DPP7: variants seen among roughly 807,000 people sequenced by gnomAD.
The protein encoded by DPP7 is dipeptidyl peptidase 7.
DPP7 carries 74 observed loss-of-function variants against 58.8 expected under a neutral mutation model. That is an observed-to-expected ratio of 1.26 (90% CI 1.04 to 1.53). The LOEUF (loss-of-function observed/expected upper bound fraction) is 1.53. DPP7 is among the 40% of genes most tolerant of loss of function. The pLI is 0.00. For synonymous variants in DPP7, 350 were observed against 303.6 expected, an observed-to-expected ratio of 1.15 and a Z score of -1.59; for missense variants, 807 against 692.3, an observed-to-expected ratio of 1.17 and a Z score of -1.86.
chr9:137,112,545 C>T, intron 8 of DPP7, 200 bp downstream of exon 8: 1 of 715,784 alleles, frequency 1.4e-6, no homozygotes, highest in East Asian at 2.7e-5. Flanking sequence ...CTGGCTACAG[C>T]CAGTGCTGAG....
chr9:137,112,576 C>T, intron 8 of DPP7, 169 bp downstream of exon 8: 2 of 855,364 alleles, frequency 2.3e-6, no homozygotes, highest in South Asian at 1.7e-5. Context: ...GGGACGGCCC[C>T]TGCCTCCCCC....
chr9:137,113,052 C>T lies in DPP7; in HGVS notation c.771G>A (p.Gln257=), dbSNP rs879024952. The change falls in exon 7 of 13, where the codon CAG becomes CAA. Residue 257 remains glutamine (Q), a synonymous_variant. Transcript: ENST00000371579. ...QPLSDEKDLT[Q]LFMFARNAFT... is the part of the protein sequence containing the mutation. ...AGGCATTCCGGGCGAACATGAAGAG[C>T]TGGGTCAGGTCCTTCTCGTCTGACA... 1 of 1,613,916 alleles carries T rather than the reference C, an allele frequency of 6.2e-7. No homozygotes were observed.
At chr9:137,117,784 G>T (rs918658942), upstream of DPP7, among the ~76,000 whole-genome samples, 1 of 152,150 alleles carries the variant, frequency 6.6e-6, no homozygotes, top group Admixed American at 6.5e-5. Flanking sequence ...CCACTTCCGC[G>T]TGTGAAATTT....
At position 137,112,191 on chromosome 9, in the gene DPP7, T is replaced by C. The variant is rs1371629959; in HGVS notation, c.971A>G (p.Asp324Gly). 2 of 1,606,042 alleles carry C rather than the reference T, an allele frequency of 1.2e-6. No homozygotes were observed. Among genetic ancestry groups the C allele is most frequent in the Non-Finnish European group, 1.7e-6 (2 of 1,179,612 alleles). ...YNASGSEHCY[D>G]IYRLYHSCAD... ...ACAGCTGTGGTAGAGCCGGTAGATG[T>C]CGTAGCAGTGCTCGGAGCCCGAGGC... Residue 324 changes from aspartate to glycine, a missense_variant, in exon 9 of 13, where the codon GAC becomes GGC. Asp to Gly is a moderately conservative substitution (Grantham distance 94). Around this residue, in one of 3 missense-constraint regions of DPP7, gnomAD observed 624 missense variants for 531.2 expected, o/e 1.17. Transcript: ENST00000371579.
Position 137,112,747 on chromosome 9 carries a change from G to T in DPP7, c.929C>A (p.Ala310Glu). 6.2e-7 allele frequency: 1 copy of T among 1,603,690 alleles called. No homozygotes were observed. The highest frequency in any genetic ancestry group is 8.5e-7 in the Non-Finnish European group (1 of 1,177,546). The change falls in exon 8 of 13, where the codon GCA becomes GAA. Residue 310 changes from alanine (A) to glutamate (E), a missense_variant and splice_region_variant. By Grantham distance (107) the Ala-to-Glu change is moderately radical. Coordinates refer to ENST00000371579, the MANE Select transcript of DPP7 (RefSeq NM_013379.3). ...ATCTGGGGCCGGGGGAAGGGCACCT[G>T]CCAGTGCTCGCAGCCCCGTGATCCT... is the stretch of plus-strand genomic sequence containing the variant. The part of the protein sequence containing the change: ...AQRITGLRAL[A>E]GLVYNASGSE...
Position 137,114,394 on chromosome 9 carries a change from G to A in DPP7, c.182-12C>T. ...GACCCAGAACCTGTCTGTGGGGAGG[G>A]CGGATGAGGCGAGGGTGCCGGGGGG... On this transcript the variant is annotated splice_polypyrimidine_tract_variant and intron_variant, in intron 2 of 12. Transcript: ENST00000371579. 6.3e-7 allele frequency: 1 copy of A among 1,592,842 alleles called. No homozygotes were observed. Among genetic ancestry groups the A allele is most frequent in the East Asian group, 2.3e-5 (1 of 43,654 alleles).
chr9:137,112,691 C>G, intron 8 of DPP7, 54 bp downstream of exon 8: 1 of 1,558,118 alleles, frequency 6.4e-7, no homozygotes, highest in Non-Finnish European at 8.7e-7. Flanking sequence ...CCCCAGGACC[C>G]AAGCCAAGCC....
At position 137,112,706 on chromosome 9, in the gene DPP7, G is replaced by A. The variant is rs772394261; in HGVS notation, c.931+39C>T. 15 of 1,575,822 alleles carry A rather than the reference G, an allele frequency of 9.5e-6. No individual in the cohort carries two copies. The Middle Eastern group carries it at 5.8e-4, about 61-fold the overall frequency. ...CCCCAGGACCCAAGCCAAGCCTGGG[G>A]TCTCCACACTTGCCCATCTGGGGCC... is the stretch of plus-strand genomic sequence containing the variant. On this transcript the variant is annotated intron_variant, in intron 8 of 12. Transcript: ENST00000371579.
upstream of DPP7, chr9:137,114,809 T>TC (rs1367641089): frequency 1.1e-6 from 1 of 882,352 alleles, no homozygotes; most frequent in Non-Finnish European, 1.5e-6. Context: ...GCGCCCGCGG[T>TC]CCCCACGGAG....
intron 2 of DPP7, 34 bp downstream of exon 2, chr9:137,114,428 CG>C (rs764559932): frequency 6.4e-7 from 1 of 1,556,106 alleles, no homozygotes; most frequent in South Asian, 1.2e-5. Flanking sequence ...GGCGGCGGGA[CG>C]GCGGGGGCGG....
chr9:137,112,109 C>T lies in DPP7; in HGVS notation c.1050+3G>A. ...TGGTTCCAGGCCACCCACACCCCCACACCTGGTAGTCCCAGGCCCTGGCGT... is the reference window on the plus strand; with the variant it reads ...TGGTTCCAGGCCACCCACACCCCCATACCTGGTAGTCCCAGGCCCTGGCGT... On this transcript the variant is annotated splice_donor_region_variant and intron_variant, in intron 9 of 12. Coordinates refer to ENST00000371579, the MANE Select transcript of DPP7 (RefSeq NM_013379.3). 2 of 1,611,898 alleles carry T rather than the reference C, an allele frequency of 1.2e-6. No homozygotes were observed. The highest frequency in any genetic ancestry group is 1.7e-6 in the Non-Finnish European group (2 of 1,179,548).
Position 137,112,138 on chromosome 9 carries a change from G to A in DPP7, c.1024C>T (p.Pro342Ser). ...CADPTGCGTGPDARAWDYQAC... is the reference protein window; with the variant it reads ...CADPTGCGTGSDARAWDYQAC... The stretch of plus-strand genomic sequence containing the variant: ...TGGTAGTCCCAGGCCCTGGCGTCGG[G>A]GCCGGTGCCGCAGCCAGTGGGGTCA... The change falls in exon 9 of 13, where the codon CCC becomes TCC. Residue 342 changes from proline (P) to serine (S), a missense_variant. Pro to Ser is a moderately conservative substitution (Grantham distance 74, BLOSUM62 -1). Transcript: ENST00000371579. The A allele has an allele frequency of 6.2e-7, 1 of 1,610,910 alleles. No individual in the cohort carries two copies. Among genetic ancestry groups the A allele is most frequent in the South Asian group, 1.1e-5 (1 of 91,058 alleles).
chr9:137,116,424 A>G (rs1328186086), upstream of DPP7, among the ~76,000 whole-genome samples: 1 of 152,240 alleles, frequency 6.6e-6, no homozygotes, highest in Admixed American at 6.5e-5. Context: ...TATTGACTCA[A>G]GGTTTAGGGG....
chr9:137,116,618 G>C (rs1831645265), upstream of DPP7, among the ~76,000 whole-genome samples: 1 of 152,248 alleles, frequency 6.6e-6, no homozygotes, highest in Non-Finnish European at 1.5e-5. Flanking sequence ...GACGGCCTGA[G>C]ATATGGCCTC....
At chr9:137,111,170 C>T (rs1161645345) in intron 11 of DPP7, among the ~76,000 whole-genome samples, 1 of 152,068 alleles carries the variant, frequency 6.6e-6, no homozygotes, top group Non-Finnish European at 1.5e-5. Context: ...GGCCTGTGAT[C>T]CCAGCACTCT....
In DPP7 at chr9:137,113,213, TAGG is replaced by T; in HGVS notation, c.693_695del (p.Phe231del). 6.2e-7 allele frequency: 1 copy of T among 1,613,712 alleles called. No individual in the cohort carries two copies. Among genetic ancestry groups the T allele is most frequent in the South Asian group, 1.1e-5 (1 of 91,084 alleles). ...GCGGTGGGAGGACCTCACCTCCCTG[TAGG>T]AACAAGTCCTTGATCTGTCGGAACG... On this transcript the variant is annotated inframe_deletion, in exon 6 of 13. Coordinates refer to ENST00000371579, the MANE Select transcript of DPP7 (RefSeq NM_013379.3).
chr9:137,112,144 T>G lies in DPP7; in HGVS notation c.1018A>C (p.Thr340Pro), dbSNP rs1564321467. The change falls in exon 9 of 13, where the codon ACC (threonine) becomes CCC (proline). Residue 340 changes from threonine to proline, a missense_variant. Physicochemically the swap from Thr to Pro is conservative, Grantham distance 38. Transcript: ENST00000371579. ...TCCCAGGCCCTGGCGTCGGGGCCGG[T>G]GCCGCAGCCAGTGGGGTCAGCACAG... ...HSCADPTGCGTGPDARAWDYQ... is the reference protein window; with the variant it reads ...HSCADPTGCGPGPDARAWDYQ... 5.0e-6 allele frequency: 8 copies of G among 1,610,296 alleles called. No individual in the cohort carries two copies. Among genetic ancestry groups the G allele is most frequent in the Non-Finnish European group, 5.1e-6 (6 of 1,179,606 alleles).
In DPP7 at chr9:137,112,096, A is replaced by G. The variant is rs115395926; in HGVS notation, c.1050+16T>C. On this transcript the variant is annotated intron_variant, in intron 9 of 12. Transcript: ENST00000371579. ...CCTTGCCCCCGAGTGGTTCCAGGCC[A>G]CCCACACCCCCACACCTGGTAGTCC... 3.5e-3 allele frequency: 5,629 copies of G among 1,611,744 alleles called. 166 individuals carry two copies. The African/African-American group carries it at 0.066, about 19-fold the overall frequency.
At chr9:137,111,007 C>G (rs916429924) in intron 11 of DPP7, 57 bp from the exon 12 acceptor site, 1 of 1,546,422 alleles carries the variant, frequency 6.5e-7, no homozygotes, top group Non-Finnish European at 8.9e-7. Context: ...GCCCAGCCTC[C>G]GTGGGCCCAT....
Sources: allele counts gnomAD v4.1 joint callset (sites outside exome capture counted in the v4.1 genomes callset), GRCh38; gene constraint gnomAD v4.1.1; regional missense constraint gnomAD v4.1.1; transcripts MANE v1.5; gene names NCBI Gene and HGNC (gene_info 2026-07-23, HGNC 2026-07-21).